The following KCTD8 variants were observed in gnomAD, a reference collection of about 807,000 sequenced individuals.
The protein encoded by KCTD8 is BTB/POZ domain-containing protein KCTD8.
In KCTD8, 27 loss-of-function variants were observed where a neutral mutation model predicts 31.5. That is an observed-to-expected ratio of 0.86 (90% CI 0.63 to 1.18). The LOEUF is 1.18. KCTD8 is among the 50% of genes most tolerant of loss of function. The pLI is 0.00. For synonymous variants in KCTD8, 290 were observed against 280.0 expected, an observed-to-expected ratio of 1.04 and a Z score of -0.36; for missense variants, 658 against 647.7, an observed-to-expected ratio of 1.02 and a Z score of -0.17.
intron 1 of KCTD8, among the ~76,000 whole-genome samples, chr4:44,249,995 T>A (rs1271626231): frequency 3.3e-5 from 5 of 151,790 alleles, no homozygotes; most frequent in Non-Finnish European, 7.4e-5. Context: ...GGTTTTAAAA[T>A]TACACAAATG....
intron 1 of KCTD8, among the ~76,000 whole-genome samples, chr4:44,339,570 T>C (rs573235649): frequency 2.6e-5 from 4 of 152,148 alleles, no homozygotes; most frequent in Admixed American, 6.5e-5. Flanking sequence ...TGAAAATGAG[T>C]AGACATTTCT....
At chr4:44,211,408 T>G (rs1486998420) in intron 1 of KCTD8, among the ~76,000 whole-genome samples, 1 of 152,230 alleles carries the variant, frequency 6.6e-6, no homozygotes. Flanking sequence ...TGGGTTTTTT[T>G]GTATTTTAGT....
chr4:44,226,269 C>T (rs1176969938), intron 1 of KCTD8, among the ~76,000 whole-genome samples: 1 of 152,122 alleles, frequency 6.6e-6, no homozygotes, highest in Non-Finnish European at 1.5e-5. Flanking sequence ...TCAATTCCCA[C>T]TTATAAGTGA....
intron 1 of KCTD8, among the ~76,000 whole-genome samples, chr4:44,234,518 T>C (rs1422721109): frequency 6.6e-6 from 1 of 152,162 alleles, no homozygotes; most frequent in Non-Finnish European, 1.5e-5. Flanking sequence ...GCTTTTTCTC[T>C]AGTAGTATTA....
chr4:44,332,340 A>C (rs1268490815), intron 1 of KCTD8, among the ~76,000 whole-genome samples: 1 of 151,992 alleles, frequency 6.6e-6, no homozygotes, highest in Non-Finnish European at 1.5e-5. Context: ...AACATGGTCC[A>C]GGACCTTCAG....
intron 1 of KCTD8, among the ~76,000 whole-genome samples, chr4:44,247,261 G>C (rs555954041): frequency 2.6e-5 from 4 of 151,616 alleles, no homozygotes; most frequent in Admixed American, 6.6e-5. Context: ...TGTTCCAAAA[G>C]GGAAAAAAAA....
At chr4:44,407,631 C>A (rs548198693) in intron 1 of KCTD8, among the ~76,000 whole-genome samples, 2 of 152,164 alleles carry the variant, frequency 1.3e-5, no homozygotes, top group Non-Finnish European at 2.9e-5. Context: ...GATGATCCAC[C>A]CGCCTTGGCC....
chr4:44,400,961 C>T (rs1209954853), intron 1 of KCTD8, among the ~76,000 whole-genome samples: 1 of 150,830 alleles, frequency 6.6e-6, no homozygotes, highest in Non-Finnish European at 1.5e-5. Context: ...CTCAGCCTTC[C>T]AAGTAGCTAG....
At chr4:44,251,990 T>C (rs1057084032) in intron 1 of KCTD8, among the ~76,000 whole-genome samples, 12 of 151,688 alleles carry the variant, frequency 7.9e-5, no homozygotes, top group Non-Finnish European at 1.5e-5. Flanking sequence ...ATACCTAATG[T>C]GTAGTCTTTT....
In KCTD8 at chr4:44,299,819, C is replaced by T. The variant is rs1717554428; in HGVS notation, c.962-124569G>A. On this transcript the variant is annotated intron_variant, in intron 1 of 1. Coordinates refer to ENST00000360029, the MANE Select transcript of KCTD8 (RefSeq NM_198353.3). Reference sequence around the variant, plus strand: ...AGTCTCACTCTGTCGCCCAGGCCATCTCAGCTCACTGCAACCTCCGTCTCC... The same window carrying T: ...AGTCTCACTCTGTCGCCCAGGCCATTTCAGCTCACTGCAACCTCCGTCTCC... Among the ~76,000 whole-genome samples, 3 of 143,778 alleles carry T rather than the reference C, an allele frequency of 2.1e-5. No homozygotes were observed. In the Admixed American group the frequency reaches 2.2e-4, roughly 10 times the overall value. The allele number at this position is 143,778 out of a possible 152,430, so 94.3% of individuals were successfully genotyped here.
intron 1 of KCTD8, among the ~76,000 whole-genome samples, chr4:44,403,046 A>G (rs1376202946): frequency 6.6e-6 from 1 of 152,138 alleles, no homozygotes; most frequent in Non-Finnish European, 1.5e-5. Context: ...TCTGTGGGAA[A>G]CTCATTTATC....
chr4:44,232,409 C>G (rs984365736), intron 1 of KCTD8, among the ~76,000 whole-genome samples: 11 of 152,170 alleles, frequency 7.2e-5, no homozygotes, highest in African/African-American at 2.7e-4. Context: ...TCTGTCCTCT[C>G]TTTCCCTAAT....
At chr4:44,337,042 G>A (rs1252946089) in intron 1 of KCTD8, among the ~76,000 whole-genome samples, 1 of 152,056 alleles carries the variant, frequency 6.6e-6, no homozygotes, top group Non-Finnish European at 1.5e-5. Flanking sequence ...TCCAGAAGAG[G>A]ATCTGAACTA....
chr4:44,287,083 T>G (rs528628747), intron 1 of KCTD8, among the ~76,000 whole-genome samples: 1 of 152,132 alleles, frequency 6.6e-6, no homozygotes, highest in Non-Finnish European at 1.5e-5. Flanking sequence ...AAACATCCTA[T>G]AGATATAAAC....
intron 1 of KCTD8, among the ~76,000 whole-genome samples, chr4:44,248,460 A>AG (rs999540181): frequency 6.6e-5 from 10 of 151,608 alleles, no homozygotes; most frequent in African/African-American, 9.7e-5. Flanking sequence ...ACCAAAAAAA[A>AG]AAAGAAAGAA....
chr4:44,186,788 T>C (rs1426573577), intron 1 of KCTD8, among the ~76,000 whole-genome samples: 6 of 152,234 alleles, frequency 3.9e-5, no homozygotes, highest in Non-Finnish European at 8.8e-5. Context: ...TTCGTCTTGG[T>C]ATTTCCTGAA....
chr4:44,443,937 G>C (rs1721871480), intron 1 of KCTD8, among the ~76,000 whole-genome samples: 1 of 152,030 alleles, frequency 6.6e-6, no homozygotes, highest in African/African-American at 2.4e-5. Flanking sequence ...CTTAAAAACA[G>C]AAAGCACAAT....
intron 1 of KCTD8, among the ~76,000 whole-genome samples, chr4:44,406,071 T>G (rs2109460188): frequency 6.6e-6 from 1 of 152,248 alleles, no homozygotes; most frequent in East Asian, 1.9e-4. Context: ...GGGACACTTC[T>G]TTCTTTATAA....
chr4:44,375,300 G>T (rs1490712752), intron 1 of KCTD8, among the ~76,000 whole-genome samples: 1 of 152,112 alleles, frequency 6.6e-6, no homozygotes, highest in South Asian at 2.1e-4. Context: ...GGGATAAAGT[G>T]CTAGGAAATT....
Sources: gnomAD v4.1 joint callset for allele counts (sites outside exome capture counted in the v4.1 genomes callset) on GRCh38, gnomAD v4.1.1 for gene constraint, MANE v1.5 for transcripts, NCBI Gene and HGNC (gene_info 2026-07-23, HGNC 2026-07-21) for gene names.